The following KIAA1671 variants were observed in gnomAD, a reference collection of about 807,000 sequenced individuals.
KIAA1671 encodes uncharacterized protein KIAA1671.
Under a neutral mutation model 131.2 loss-of-function variants are expected in KIAA1671, and 52 were observed. The observed-to-expected ratio is 0.40, with a 90% CI of 0.32 to 0.50. The LOEUF (loss-of-function observed/expected upper bound fraction) is 0.50, where lower values mean the gene tolerates loss of function less well. Among genes scored for constraint, KIAA1671 ranks in the 20% least tolerant of loss-of-function variants. The pLI, the probability that KIAA1671 is intolerant of heterozygous loss-of-function variation, is 0.73. For synonymous variants in KIAA1671, 1,003 were observed against 961.6 expected (o/e 1.04, Z -0.80); for missense variants, 2,360 against 2,364.2 (o/e 1.00, Z 0.04).
intron 3 of KIAA1671, 61 bp downstream of exon 3, chr22:25,029,601 G>T: frequency 1.6e-6 from 2 of 1,257,310 alleles, no homozygotes; most frequent in Non-Finnish European, 2.2e-6. Context: ...TGAGGAAGAC[G>T]GAACCAGGCT....
intron 1 of KIAA1671, among the ~76,000 whole-genome samples, chr22:24,968,201 G>C (rs894218470): frequency 6.6e-6 from 1 of 152,170 alleles, no homozygotes; most frequent in African/African-American, 2.4e-5. Flanking sequence ...GTAGGGAAGG[G>C]GGGCGGCGGG....
At chr22:24,974,152 G>A (rs1452157118) in intron 1 of KIAA1671, among the ~76,000 whole-genome samples, 5 of 152,164 alleles carry the variant, frequency 3.3e-5, no homozygotes, top group African/African-American at 1.2e-4. Flanking sequence ...TCTGGGTGGG[G>A]CAGGTTTGGG....
At chr22:25,075,081 G>T (rs974456017) in intron 6 of KIAA1671, among the ~76,000 whole-genome samples, 2 of 152,184 alleles carry the variant, frequency 1.3e-5, no homozygotes, top group African/African-American at 2.4e-5. Context: ...TCAAAAGAAA[G>T]AAGTTAACAT....
At chr22:25,117,171 C>A (rs952213174) in intron 6 of KIAA1671, among the ~76,000 whole-genome samples, 5 of 152,198 alleles carry the variant, frequency 3.3e-5, no homozygotes, top group African/African-American at 1.2e-4. Context: ...AGAACACTGT[C>A]GTATATAATG....
chr22:25,181,654 A>G (rs999404094), intron 9 of KIAA1671, 45 bp from the exon 10 acceptor site: 2 of 1,549,662 alleles, frequency 1.3e-6, no homozygotes, highest in Non-Finnish European at 1.7e-6. Flanking sequence ...GGACCTCAAT[A>G]CATGGCAGCT....
At chr22:24,974,561 A>T (rs918233236) in intron 1 of KIAA1671, among the ~76,000 whole-genome samples, 4 of 151,892 alleles carry the variant, frequency 2.6e-5, no homozygotes, top group African/African-American at 9.7e-5. Context: ...TTCTTGTATC[A>T]CTTCGGGATT....
intron 6 of KIAA1671, chr22:25,059,084 C>G (rs757739629): frequency 1.3e-5 from 2 of 152,208 alleles, no homozygotes; most frequent in South Asian, 4.2e-4. Context: ...ATCCCTCCCC[C>G]ACCAAACAAG....
At position 25,028,107 on chromosome 22, in the gene KIAA1671, C is replaced by G. The variant is rs1234205599; in HGVS notation, c.108C>G (p.Ala36=). 2 of 1,551,284 alleles carry G rather than the reference C, an allele frequency of 1.3e-6. No individual in the cohort carries two copies. The highest frequency in any genetic ancestry group is 1.7e-6 in the Non-Finnish European group (2 of 1,146,812). The change falls in exon 3 of 13, where the codon GCC becomes GCG. Residue 36 remains alanine (A), a synonymous_variant. Transcript: ENST00000358431. ...TGACGAGGACCTACTTCCTCCAGGC[C>G]GGCGAAGCCTCTGGGGCTCCCCCAG... ...ETLTRTYFLQ[A]GEASGAPPAR...
Position 25,194,987 on chromosome 22 carries a change from A to C in KIAA1671, c.*2586A>C. On this transcript the variant is annotated 3_prime_UTR_variant, in exon 13 of 13. Coordinates refer to ENST00000358431, the MANE Select transcript of KIAA1671 (RefSeq NM_001145206.2). Reference sequence around the variant, plus strand: ...AAGGAGGCGTTGTATGCTAGTTTCTAGACTTTGCCTGGAGACCCCTTTGGA... The same window carrying C: ...AAGGAGGCGTTGTATGCTAGTTTCTCGACTTTGCCTGGAGACCCCTTTGGA... 1 of 152,224 alleles carries C rather than the reference A, an allele frequency of 6.6e-6. No homozygotes were observed. The highest frequency in any genetic ancestry group is 1.9e-4 in the East Asian group (1 of 5,192). The allele number at this position is 152,224 out of a possible 1,614,324, so 9.4% of individuals were successfully genotyped here. A position where few individuals can be genotyped will look rare whatever the true frequency, so the allele number is the denominator to read the frequency against.
At position 25,116,430 on chromosome 22, in the gene KIAA1671, T is replaced by TGTACGTAC. The variant is rs1177766071; in HGVS notation, c.4531-54383_4531-54382insCGTACGTA. Among the ~76,000 whole-genome samples the TGTACGTAC allele has an allele frequency of 4.3e-3, 600 of 140,262 alleles. 9 individuals carry two copies. The highest frequency in any genetic ancestry group is 0.015 in the African/African-American group (569 of 38,712). 92.0% of individuals were successfully genotyped at this position (140,262 alleles called of 152,430 possible). A position where few individuals can be genotyped will look rare whatever the true frequency, so the allele number is the denominator to read the frequency against. On this transcript the variant is annotated intron_variant, in intron 6 of 12. Coordinates refer to ENST00000358431, the MANE Select transcript of KIAA1671 (RefSeq NM_001145206.2). Reference sequence around the variant, plus strand: ...ATGTATGTATGTATGTATGTATGTATGTACGTATTGAGATGGAGTCTTGCT... The same window carrying TGTACGTAC: ...ATGTATGTATGTATGTATGTATGTATGTACGTACGTACGTATTGAGATGGAGTCTTGCT...
At chr22:25,167,744 G>A (rs778122543) in intron 6 of KIAA1671, among the ~76,000 whole-genome samples, 7 of 152,154 alleles carry the variant, frequency 4.6e-5, no homozygotes, top group Non-Finnish European at 1.0e-4. Flanking sequence ...TTTAGCAGGG[G>A]TGACTGAGGG....
intron 10 of KIAA1671, among the ~76,000 whole-genome samples, 185 bp downstream of exon 10, chr22:25,182,008 T>C (rs1429213320): frequency 1.3e-5 from 2 of 152,052 alleles, no homozygotes; most frequent in Non-Finnish European, 2.9e-5. Flanking sequence ...AAACCCCGTC[T>C]CTACTAAAAA....
At chr22:25,037,728 T>G (rs1331621297) in intron 4 of KIAA1671, among the ~76,000 whole-genome samples, 1 of 152,198 alleles carries the variant, frequency 6.6e-6, no homozygotes, top group East Asian at 1.9e-4. Flanking sequence ...TATATTTATA[T>G]ATATGCTGTA....
intron 6 of KIAA1671, among the ~76,000 whole-genome samples, chr22:25,123,195 T>A (rs1212375540): frequency 3.5e-4 from 48 of 135,676 alleles, no homozygotes; most frequent in Non-Finnish European, 7.0e-4. Context: ...ATGAGGTTTT[T>A]TTTTTTTTTT....
chr22:25,187,327 T>C (rs6004473), intron 11 of KIAA1671, among the ~76,000 whole-genome samples: 49,602 of 152,086 alleles, frequency 0.33, 8,491 homozygotes, highest in East Asian at 0.47. Context: ...GCAAAGACCA[T>C]GACTGTTGAT....
In KIAA1671 at chr22:25,049,356, C is replaced by T. The variant is rs1236695198; in HGVS notation, c.4522C>T (p.Pro1508Ser). 3 of 1,549,700 alleles carry T rather than the reference C, an allele frequency of 1.9e-6. No individual in the cohort carries two copies. In the Admixed American group the frequency reaches 5.9e-5, roughly 30 times the overall value. Residue 1508 changes from proline to serine, a missense_variant, in exon 6 of 13, where the codon CCC becomes TCC. Pro to Ser is a moderately conservative substitution (Grantham distance 74). This residue lies in a region of KIAA1671 where 1,161 missense variants were observed against 1,204.7 expected (regional missense o/e 0.96). Transcript: ENST00000358431. ...CTTCTGCAAAGACAGGAGGAGTGGG[C>T]CCTTTGTGGTGAGTGATGCAACATG... is the stretch of plus-strand genomic sequence containing the variant. ...HSFCKDRRSG[P>S]FVDQLKQCFS... is the part of the protein sequence containing the mutation.
chr22:25,036,181 A>G (rs1370381804), intron 4 of KIAA1671, among the ~76,000 whole-genome samples: 3 of 152,094 alleles, frequency 2.0e-5, no homozygotes, highest in African/African-American at 4.8e-5. Context: ...CCTGGGTTCA[A>G]GCGATTCTCC....
In KIAA1671 at chr22:25,151,973, A is replaced by G. The variant is rs568968983; in HGVS notation, c.4531-18847A>G. Among the ~76,000 whole-genome samples the G allele has an allele frequency of 4.6e-5, 7 of 152,218 alleles. No individual in the cohort carries two copies. In the East Asian group the frequency reaches 7.7e-4, roughly 17 times the overall value. Reference sequence around the variant, plus strand: ...AGGCCGCTCCTGAACTCCTGGCCTTAAGTGATCCGCCCGCCTAAGCCTCCC... The same window carrying G: ...AGGCCGCTCCTGAACTCCTGGCCTTGAGTGATCCGCCCGCCTAAGCCTCCC... On this transcript the variant is annotated intron_variant, in intron 6 of 12. Transcript: ENST00000358431.
At chr22:24,979,475 A>G (rs940509400) in intron 1 of KIAA1671, among the ~76,000 whole-genome samples, 2 of 149,588 alleles carry the variant, frequency 1.3e-5, no homozygotes, top group East Asian at 3.9e-4. Context: ...TCAGCCTCCC[A>G]AGTAGCTGGG....
Sources: allele counts gnomAD v4.1 joint callset (sites outside exome capture counted in the v4.1 genomes callset), GRCh38; gene constraint gnomAD v4.1.1; regional missense constraint gnomAD v4.1.1; transcripts MANE v1.5; gene names NCBI Gene and HGNC (gene_info 2026-07-23, HGNC 2026-07-21).